APPBP2: variants seen among roughly 807,000 people sequenced by gnomAD.
APPBP2 encodes the protein amyloid protein-binding protein 2.
A neutral mutation model predicts 76.0 loss-of-function variants in APPBP2; 15 were observed. That is an observed-to-expected ratio of 0.20 (90% CI 0.13 to 0.30). The LOEUF is 0.30. Among genes scored for constraint, APPBP2 ranks in the 10% least tolerant of loss-of-function variants. The pLI, the probability that APPBP2 is intolerant of heterozygous loss-of-function variation, is 1.00. For missense variants in APPBP2, 401 were observed against 687.2 expected (o/e 0.58, Z 4.66); for synonymous variants, 222 against 242.2 (o/e 0.92, Z 0.77).
At chr17:60,457,400 T>C (rs955018051) in intron 9 of APPBP2, among the ~76,000 whole-genome samples, 28 of 152,146 alleles carry the variant, frequency 1.8e-4, no homozygotes, top group African/African-American at 6.0e-4. Context: ...GTTTAACTTG[T>C]CTGCTGAGGT....
At chr17:60,452,901 T>C (rs1483960211) in intron 11 of APPBP2, among the ~76,000 whole-genome samples, 1 of 152,212 alleles carries the variant, frequency 6.6e-6, no homozygotes, top group Non-Finnish European at 1.5e-5. Context: ...ACCACTGTAC[T>C]ACGGCCTGGA....
rs1030729762 is a variant in APPBP2, at chr17:60,445,486, T to C, written c.*2095A>G. On this transcript the variant is annotated 3_prime_UTR_variant, in exon 13 of 13. Transcript: ENST00000083182. The stretch of plus-strand genomic sequence containing the variant: ...ATGGAAACATGTTTCAAAATATTTA[T>C]TGAAAAACAATTTACCATGACATTC... 5 of 152,624 alleles carry C rather than the reference T, an allele frequency of 3.3e-5. No individual in the cohort carries two copies. The highest frequency in any genetic ancestry group is 1.3e-4 in the Admixed American group (2 of 15,280). 9.5% of individuals were successfully genotyped at this position (152,624 alleles called of 1,614,324 possible).
intron 8 of APPBP2, 76 bp downstream of exon 8, chr17:60,461,734 G>A (rs1379556842): frequency 1.8e-6 from 2 of 1,121,348 alleles, no homozygotes; most frequent in Non-Finnish European, 2.6e-6. Flanking sequence ...TTTTAGAGTG[G>A]TTTATACACC....
intron 2 of APPBP2, among the ~76,000 whole-genome samples, chr17:60,497,119 A>C (rs988236474): frequency 1.3e-5 from 2 of 152,218 alleles, no homozygotes; most frequent in Non-Finnish European, 2.9e-5. Context: ...CCCAGCATCT[A>C]AAACAGTATC....
intron 2 of APPBP2, among the ~76,000 whole-genome samples, chr17:60,497,878 C>T (rs180945822): frequency 1.2e-4 from 19 of 152,098 alleles, no homozygotes; most frequent in Admixed American, 1.2e-3. Context: ...GTGGCTCACA[C>T]CTGTAACCCC....
intron 1 of APPBP2, among the ~76,000 whole-genome samples, chr17:60,504,291 T>C (rs1178697547): frequency 6.6e-6 from 1 of 151,986 alleles, no homozygotes; most frequent in Non-Finnish European, 1.5e-5. Context: ...AAACAGATAA[T>C]AAAATACAAT....
At chr17:60,497,057 A>G (rs2090781727) in intron 2 of APPBP2, among the ~76,000 whole-genome samples, 2 of 152,176 alleles carry the variant, frequency 1.3e-5, no homozygotes, top group South Asian at 4.1e-4. Flanking sequence ...CTCTCTCTAA[A>G]ATACAAACTC....
rs531473820 is a variant in APPBP2 at position 60,489,709 on chromosome 17, A to G, written c.379+4757T>C. On this transcript the variant is annotated intron_variant, in intron 3 of 12. Coordinates refer to ENST00000083182, the MANE Select transcript of APPBP2 (RefSeq NM_006380.5). ...ACACTTTAAGACAGAAAACACATAC[A>G]TGGCACATGCACACAGTAATGAGAG... Among the ~76,000 whole-genome samples, 11 of 152,242 alleles carry G rather than the reference A, an allele frequency of 7.2e-5. 1 individual carries two copies. The highest frequency in any genetic ancestry group is 6.6e-5 in the Admixed American group (1 of 15,254).
At chr17:60,460,026 T>G (rs1047354516) in intron 9 of APPBP2, 2 of 152,222 alleles carry the variant, frequency 1.3e-5, no homozygotes, top group African/African-American at 4.8e-5. Context: ...CAATTGTTAT[T>G]CAGTATTTCT....
chr17:60,501,965 G>A (rs1021985037), intron 1 of APPBP2, among the ~76,000 whole-genome samples: 6 of 152,204 alleles, frequency 3.9e-5, no homozygotes, highest in African/African-American at 1.4e-4. Context: ...ACATGCTCAC[G>A]AAGGAAAGGC....
chr17:60,444,812 AG>A lies in APPBP2; in HGVS notation c.*2768del, dbSNP rs1015486661. 1 of 152,578 alleles carries A rather than the reference AG, an allele frequency of 6.6e-6. No individual in the cohort carries two copies. Among genetic ancestry groups the A allele is most frequent in the Non-Finnish European group, 1.5e-5 (1 of 68,032 alleles). 9.5% of individuals were successfully genotyped at this position (152,578 alleles called of 1,614,324 possible). On this transcript the variant is annotated 3_prime_UTR_variant, in exon 13 of 13. Transcript: ENST00000083182. The stretch of plus-strand genomic sequence containing the variant: ...CCCAACTGGAGTAGCACCGAACTTT[AG>A]GAAAAGACTGGGTAGAAGAGTCAGA...
intron 1 of APPBP2, among the ~76,000 whole-genome samples, chr17:60,504,682 G>C (rs903502291): frequency 1.3e-5 from 2 of 152,104 alleles, no homozygotes; most frequent in Non-Finnish European, 2.9e-5. Context: ...GCATGGCTGC[G>C]TGTCCCAGGT....
At chr17:60,502,395 A>T (rs1428279626) in intron 1 of APPBP2, among the ~76,000 whole-genome samples, 1 of 152,244 alleles carries the variant, frequency 6.6e-6, no homozygotes, top group East Asian at 1.9e-4. Context: ...CCACATTCTT[A>T]TAACATGGGC....
chr17:60,466,630 A>ACT (rs1169427779), intron 4 of APPBP2, among the ~76,000 whole-genome samples, 171 bp from the exon 5 acceptor site: 1 of 152,200 alleles, frequency 6.6e-6, no homozygotes, highest in African/African-American at 2.4e-5. Context: ...ATAAAGAAGT[A>ACT]CATGCTCTTT....
intron 1 of APPBP2, among the ~76,000 whole-genome samples, chr17:60,522,300 A>C (rs2091015407): frequency 6.6e-6 from 1 of 152,136 alleles, no homozygotes; most frequent in Non-Finnish European, 1.5e-5. Context: ...CATGACAATC[A>C]TTCTTACAAA....
chr17:60,498,525 A>T (rs986858391), intron 2 of APPBP2, among the ~76,000 whole-genome samples: 1 of 152,204 alleles, frequency 6.6e-6, no homozygotes, highest in African/African-American at 2.4e-5. Flanking sequence ...AAGTGGAAAC[A>T]GCCCAAATGT....
intron 4 of APPBP2, among the ~76,000 whole-genome samples, chr17:60,471,004 C>T (rs2090548376): frequency 6.6e-6 from 1 of 151,706 alleles, no homozygotes; most frequent in Admixed American, 6.6e-5. Flanking sequence ...ATCATGTTGG[C>T]CAGACTGGTC....
chr17:60,459,549 G>A (rs575631018), intron 9 of APPBP2: 3 of 146,756 alleles, frequency 2.0e-5, no homozygotes, highest in Non-Finnish European at 3.0e-5. Context: ...CTGGAGAGCA[G>A]TGGCGTGATC....
intron 4 of APPBP2, among the ~76,000 whole-genome samples, chr17:60,467,869 G>T (rs1025739703): frequency 6.6e-6 from 1 of 152,086 alleles, no homozygotes; most frequent in Admixed American, 6.6e-5. Flanking sequence ...TCCTGGCATA[G>T]TCAAAGGAAC....
Sources: allele counts gnomAD v4.1 joint callset (sites outside exome capture counted in the v4.1 genomes callset), GRCh38; gene constraint gnomAD v4.1.1; transcripts MANE v1.5; gene names NCBI Gene and HGNC (gene_info 2026-07-23, HGNC 2026-07-21).